The following LRRC27 variants were observed in gnomAD, a reference collection of about 807,000 sequenced individuals.
LRRC27 encodes the protein leucine-rich repeat-containing protein 27.
Under a neutral mutation model 55.0 loss-of-function variants are expected in LRRC27, and 57 were observed. The observed-to-expected ratio is 1.04, with a 90% CI of 0.84 to 1.29. The LOEUF (loss-of-function observed/expected upper bound fraction) is 1.29, where lower values mean the gene tolerates loss of function less well. LRRC27 is among the 50% of genes most tolerant of loss of function. LRRC27 has a pLI of 0.00. For missense variants in LRRC27, 721 were observed against 651.5 expected (o/e 1.11, Z -1.16); for synonymous variants, 278 against 251.9 (o/e 1.10, Z -0.98).
intron 3 of LRRC27, among the ~76,000 whole-genome samples, 167 bp downstream of exon 3, chr10:132,337,862 A>T (rs2067210147): frequency 6.6e-6 from 1 of 152,192 alleles, no homozygotes; most frequent in African/African-American, 2.4e-5. Context: ...AATGTACCCA[A>T]CACAGAACTA....
At chr10:132,336,080 C>G (rs976671018) in intron 2 of LRRC27, among the ~76,000 whole-genome samples, 3 of 152,212 alleles carry the variant, frequency 2.0e-5, no homozygotes, top group African/African-American at 7.2e-5. Flanking sequence ...TCAACCATAA[C>G]CAGCTCCAAG....
At chr10:132,345,653 A>C (rs546880676) in intron 5 of LRRC27, among the ~76,000 whole-genome samples, 96 of 152,318 alleles carry the variant, frequency 6.3e-4, no homozygotes, top group Non-Finnish European at 1.2e-4. Flanking sequence ...GGCACTGGGC[A>C]CCTGGCAGGA....
intron 10 of LRRC27, among the ~76,000 whole-genome samples, chr10:132,369,938 G>A (rs956687297): frequency 2.6e-5 from 4 of 152,100 alleles, no homozygotes; most frequent in African/African-American, 7.2e-5. Context: ...ACACTGTGGC[G>A]GTTGGTCTCA....
chr10:132,339,110 C>T (rs558944420), intron 3 of LRRC27, among the ~76,000 whole-genome samples: 8 of 152,276 alleles, frequency 5.3e-5, no homozygotes, highest in South Asian at 4.1e-4. Context: ...TGGCTGGCCA[C>T]GGCAGGGCCT....
chr10:132,377,542 G>A lies in LRRC27; in HGVS notation c.*2300G>A, dbSNP rs2069353599. The A allele has an allele frequency of 6.6e-6, 1 of 152,116 alleles. No homozygotes were observed. 9.4% of individuals were successfully genotyped at this position (152,116 alleles called of 1,614,324 possible). A position where few individuals can be genotyped will look rare whatever the true frequency, so the allele number is the denominator to read the frequency against. On this transcript the variant is annotated 3_prime_UTR_variant, in exon 11 of 11. Coordinates refer to ENST00000368614, the MANE Select transcript of LRRC27 (RefSeq NM_030626.3). ...TCGTCCGCCTCCCTTCCACAGGTAA[G>A]CACGCAAGACACAGGTACCGTGTGC...
At chr10:132,332,750 CT>C (rs34305316) in intron 1 of LRRC27, among the ~76,000 whole-genome samples, 25,721 of 151,930 alleles carry the variant, frequency 0.17, 2,456 homozygotes, top group Non-Finnish European at 0.23. Flanking sequence ...AACTGCGCCC[CT>C]GGAACAGTTC....
chr10:132,374,115 C>T lies in LRRC27; in HGVS notation c.1417-951C>T, dbSNP rs1191617141. Among the ~76,000 whole-genome samples the T allele has an allele frequency of 7.4e-6, 1 of 135,734 alleles. No homozygotes were observed. The highest frequency in any genetic ancestry group is 1.6e-5 in the Non-Finnish European group (1 of 64,442). 89.0% of individuals were successfully genotyped at this position (135,734 alleles called of 152,430 possible). A position where few individuals can be genotyped will look rare whatever the true frequency, so the allele number is the denominator to read the frequency against. On this transcript the variant is annotated intron_variant, in intron 10 of 10. Coordinates refer to ENST00000368614, the MANE Select transcript of LRRC27 (RefSeq NM_030626.3). The surrounding 1 kb of genome is among the most constrained non-coding windows in gnomAD (Gnocchi z 4.4). ...TGCATGGTGAGGGGGTGCAGTGGCT[C>T]CAGGGACCTGCTGTGATTATGGCTG...
chr10:132,353,336 T>G, intron 7 of LRRC27: 1 of 1,105,056 alleles, frequency 9.0e-7, no homozygotes, highest in Non-Finnish European at 1.1e-6. Context: ...CACAGGGCTC[T>G]TGCACCGCCC....
intron 4 of LRRC27, 144 bp from the exon 5 acceptor site, chr10:132,344,354 C>A: frequency 1.2e-6 from 1 of 856,074 alleles, no homozygotes; most frequent in Non-Finnish European, 1.7e-6. Context: ...TAAAGCAAAT[C>A]TTTGACATCT....
At chr10:132,354,143 G>A (rs1359494277) in intron 7 of LRRC27, among the ~76,000 whole-genome samples, 2 of 152,210 alleles carry the variant, frequency 1.3e-5, no homozygotes, top group African/African-American at 4.8e-5. Flanking sequence ...GCTGCAGGGG[G>A]CAGAAAGGGC....
At chr10:132,338,773 G>A (rs2067252684) in intron 3 of LRRC27, among the ~76,000 whole-genome samples, 1 of 147,982 alleles carries the variant, frequency 6.8e-6, no homozygotes, top group Non-Finnish European at 1.5e-5. Flanking sequence ...GCAGTGGCGT[G>A]ATCTCGGCTC....
intron 3 of LRRC27, among the ~76,000 whole-genome samples, chr10:132,340,505 C>T (rs2067360811): frequency 6.6e-6 from 1 of 152,126 alleles, no homozygotes; most frequent in African/African-American, 2.4e-5. Flanking sequence ...CATCTGGAGG[C>T]CTCTGTTCAC....
intron 10 of LRRC27, among the ~76,000 whole-genome samples, chr10:132,369,476 A>G (rs921486590): frequency 6.6e-6 from 1 of 152,256 alleles, no homozygotes; most frequent in African/African-American, 2.4e-5. Flanking sequence ...GGGAGCCGAC[A>G]TGCCAGCATG....
chr10:132,337,038 C>T lies in LRRC27; in HGVS notation c.211-527C>T, dbSNP rs142113955. 5.3e-4 allele frequency: 672 copies of T among 1,260,140 alleles called. 5 individuals carry two copies. The African/African-American group carries it at 8.6e-3, about 16-fold the overall frequency. The allele number at this position is 1,260,140 out of a possible 1,614,324, so 78.1% of individuals were successfully genotyped here. A position where few individuals can be genotyped will look rare whatever the true frequency, so the allele number is the denominator to read the frequency against. On this transcript the variant is annotated intron_variant, in intron 2 of 10. Coordinates refer to ENST00000368614, the MANE Select transcript of LRRC27 (RefSeq NM_030626.3). The stretch of plus-strand genomic sequence containing the variant: ...GTCAATCTGCTTCTGAAATGCTGCT[C>T]GCTGAGGCTTTGTTTGCTGCTGATC...
rs561902212 is a variant in LRRC27 at position 132,358,692 on chromosome 10, C to T, written c.1171-2765C>T. Among the ~76,000 whole-genome samples the T allele has an allele frequency of 3.3e-3, 166 of 49,588 alleles. 3 individuals are homozygous for T. The highest frequency in any genetic ancestry group is 5.8e-3 in the Non-Finnish European group (144 of 24,644). 32.5% of individuals were successfully genotyped at this position (49,588 alleles called of 152,430 possible). On this transcript the variant is annotated intron_variant, in intron 8 of 10. Transcript: ENST00000368614. ...GTGGTGGAGCAGTGTGGGGAGGAGC[C>T]GAGGTGGTAGAGCAGTGTGGGGAGG...
intron 3 of LRRC27, among the ~76,000 whole-genome samples, chr10:132,341,570 A>T (rs1367475268): frequency 6.6e-6 from 1 of 152,132 alleles, no homozygotes; most frequent in African/African-American, 2.4e-5. Context: ...TAAGGATGTT[A>T]CTAGGTGTTA....
chr10:132,348,339 G>A lies in LRRC27; in HGVS notation c.909G>A (p.Lys303=), dbSNP rs138734806. The A allele has an allele frequency of 3.5e-4, 557 of 1,609,390 alleles. No homozygotes were observed. Among genetic ancestry groups the A allele is most frequent in the Non-Finnish European group, 4.6e-4 (542 of 1,176,506 alleles). ...AALNIEKELP[K]PRHVFRRKTA... ...TGAACATTGAGAAAGAACTACCAAAGCCAAGACACGTTTTCAGGTAAAACT... is the reference window on the plus strand; with the variant it reads ...TGAACATTGAGAAAGAACTACCAAAACCAAGACACGTTTTCAGGTAAAACT... The change falls in exon 6 of 11, where the codon AAG becomes AAA. Residue 303 remains lysine, a synonymous_variant. Transcript: ENST00000368614. The surrounding 1 kb of genome is among the most constrained non-coding windows in gnomAD (Gnocchi z 4.2).
intron 8 of LRRC27, 47 bp from the exon 9 acceptor site, chr10:132,361,410 A>T: frequency 1.3e-6 from 2 of 1,483,916 alleles, no homozygotes; most frequent in Non-Finnish European, 1.9e-6. Flanking sequence ...TTGTGGAAAA[A>T]CATCATCTAC....
In LRRC27 at chr10:132,358,438, G is replaced by C. The variant is rs2020345; in HGVS notation, c.1170+2552G>C. Among the ~76,000 whole-genome samples, 74 of 11,128 alleles carry C rather than the reference G, an allele frequency of 6.6e-3. 32 individuals are homozygous for C. The highest frequency in any genetic ancestry group is 0.027 in the African/African-American group (22 of 828). The allele number at this position is 11,128 out of a possible 152,430, so 7.3% of individuals were successfully genotyped here. A position where few individuals can be genotyped will look rare whatever the true frequency, so the allele number is the denominator to read the frequency against. On this transcript the variant is annotated intron_variant, in intron 8 of 10. Coordinates refer to ENST00000368614, the MANE Select transcript of LRRC27 (RefSeq NM_030626.3). ...TGGAGCAGCGTGGGGAGGAGCCGAG[G>C]TGATGGAGCAGCGTGGGGAGGAGCC...
Sources: allele counts gnomAD v4.1 joint callset (sites outside exome capture counted in the v4.1 genomes callset), GRCh38; gene constraint gnomAD v4.1.1; non-coding constraint Gnocchi (gnomAD v3.1); transcripts MANE v1.5; gene names NCBI Gene and HGNC (gene_info 2026-07-23, HGNC 2026-07-21).